FGF14: variants seen among roughly 807,000 people sequenced by gnomAD.
FGF14 encodes fibroblast growth factor homologous factor 4.
FGF14 carries 5 observed loss-of-function variants against 25.5 expected under a neutral mutation model. That is an observed-to-expected ratio of 0.20 (90% CI 0.10 to 0.41). The LOEUF (loss-of-function observed/expected upper bound fraction) is 0.41, where lower values mean the gene tolerates loss of function less well. FGF14 is among the 10% of genes least tolerant of loss of function. The pLI, the probability that FGF14 is intolerant of heterozygous loss-of-function variation, is 1.00. For synonymous variants in FGF14, 138 were observed against 118.3 expected, an observed-to-expected ratio of 1.17 and a Z score of -1.08; for missense variants, 222 against 320.1, an observed-to-expected ratio of 0.69 and a Z score of 2.34.
chr13:102,202,084 C>T (rs867113758), intron 1 of FGF14, among the ~76,000 whole-genome samples: 1 of 152,204 alleles, frequency 6.6e-6, no homozygotes, highest in African/African-American at 2.4e-5. Context: ...ATGTGAAGTG[C>T]TGCCTCCCCC....
intron 1 of FGF14, among the ~76,000 whole-genome samples, chr13:102,202,106 C>G (rs183161018): frequency 1.3e-5 from 2 of 152,116 alleles, no homozygotes; most frequent in African/African-American, 2.4e-5. Context: ...TCGCCTTCAC[C>G]GCGACTGTAA....
chr13:102,346,160 A>G (rs1023819053), intron 1 of FGF14, among the ~76,000 whole-genome samples: 1 of 152,198 alleles, frequency 6.6e-6, no homozygotes, highest in Non-Finnish European at 1.5e-5. Context: ...AAATTTAACA[A>G]GCACAAAAAT....
At chr13:102,117,555 A>G (rs957152581) in intron 1 of FGF14, among the ~76,000 whole-genome samples, 2 of 104,734 alleles carry the variant, frequency 1.9e-5, no homozygotes, top group Non-Finnish European at 3.6e-5. Flanking sequence ...ACAAAATACT[A>G]TAAGGCACAA....
chr13:102,261,699 C>T (rs2141119123), intron 1 of FGF14, among the ~76,000 whole-genome samples: 1 of 152,178 alleles, frequency 6.6e-6, no homozygotes, highest in African/African-American at 2.4e-5. Flanking sequence ...AAGCACATTC[C>T]TAGAATTCAA....
At chr13:101,781,484 A>G (rs766657602) in intron 3 of FGF14, among the ~76,000 whole-genome samples, 4 of 152,206 alleles carry the variant, frequency 2.6e-5, no homozygotes, top group Admixed American at 6.5e-5. Context: ...TGCATTTTCT[A>G]AAAAAGCAGG....
chr13:102,169,660 T>G (rs1235977400), intron 1 of FGF14, among the ~76,000 whole-genome samples: 3 of 151,870 alleles, frequency 2.0e-5, no homozygotes, highest in African/African-American at 7.3e-5. Context: ...AGAAGTGGGG[T>G]TTTTTTTGTT....
chr13:101,881,367 T>C (rs2045701008), intron 1 of FGF14, among the ~76,000 whole-genome samples: 1 of 152,118 alleles, frequency 6.6e-6, no homozygotes, highest in Non-Finnish European at 1.5e-5. Context: ...AAATGGACAA[T>C]AAAATGGCCA....
intron 1 of FGF14, among the ~76,000 whole-genome samples, chr13:101,912,045 T>C (rs979766202): frequency 9.9e-5 from 15 of 151,846 alleles, no homozygotes; most frequent in Admixed American, 1.3e-4. Context: ...TGGATTATTT[T>C]CTGAGACGGT....
At chr13:102,041,489 G>C (rs1287829092) in intron 1 of FGF14, among the ~76,000 whole-genome samples, 1 of 147,228 alleles carries the variant, frequency 6.8e-6, no homozygotes, top group Non-Finnish European at 1.5e-5. Flanking sequence ...AACAAAAATA[G>C]TATGACCTTC....
At chr13:102,246,216 A>G (rs2051859022) in intron 1 of FGF14, among the ~76,000 whole-genome samples, 1 of 152,126 alleles carries the variant, frequency 6.6e-6, no homozygotes, top group Admixed American at 6.6e-5. Context: ...AAAAAATTTA[A>G]GAATGATCAT....
intron 3 of FGF14, among the ~76,000 whole-genome samples, chr13:101,742,900 C>T (rs1466201570): frequency 6.6e-6 from 1 of 152,186 alleles, no homozygotes; most frequent in East Asian, 1.9e-4. Context: ...TAATTGCTTC[C>T]TCTGCCCCAT....
At chr13:102,015,328 A>G (rs2040283456) in intron 1 of FGF14, among the ~76,000 whole-genome samples, 1 of 152,234 alleles carries the variant, frequency 6.6e-6, no homozygotes, top group Admixed American at 6.5e-5. Context: ...CCAAAGGAAT[A>G]TATATTTTTA....
chr13:102,131,049 G>A (rs967413651), intron 1 of FGF14, among the ~76,000 whole-genome samples: 1 of 152,168 alleles, frequency 6.6e-6, no homozygotes, highest in Non-Finnish European at 1.5e-5. Flanking sequence ...CACCTAAAGA[G>A]TGTGACTCAA....
At chr13:101,994,931 TTACATTA>T (rs2039100853) in intron 1 of FGF14, among the ~76,000 whole-genome samples, 1 of 152,092 alleles carries the variant, frequency 6.6e-6, no homozygotes, top group Admixed American at 6.6e-5. Flanking sequence ...ATAATGCATA[TTACATTA>T]TACATTATAT....
At chr13:101,956,129 T>A (rs1312066723) in intron 1 of FGF14, among the ~76,000 whole-genome samples, 1 of 152,208 alleles carries the variant, frequency 6.6e-6, no homozygotes, top group African/African-American at 2.4e-5. Flanking sequence ...AGGAAGCAAG[T>A]CAATTCTACT....
chr13:102,233,114 G>A (rs115099415), intron 1 of FGF14, among the ~76,000 whole-genome samples: 167 of 151,954 alleles, frequency 1.1e-3, no homozygotes, highest in African/African-American at 3.7e-3. Context: ...ATTCCTCAGC[G>A]TCTAATATGC....
chr13:102,369,904 C>G (rs1377001606), intron 1 of FGF14, among the ~76,000 whole-genome samples: 2 of 152,118 alleles, frequency 1.3e-5, no homozygotes, highest in African/African-American at 4.8e-5. Flanking sequence ...TAATGCTGAG[C>G]GACAAAGCTA....
At chr13:102,039,151 C>T (rs958378038) in intron 1 of FGF14, among the ~76,000 whole-genome samples, 5 of 152,144 alleles carry the variant, frequency 3.3e-5, no homozygotes, top group Admixed American at 2.0e-4. Flanking sequence ...GTCTATCTCT[C>T]GCCCACACAT....
intron 3 of FGF14, among the ~76,000 whole-genome samples, chr13:101,729,002 T>C (rs1225143503): frequency 6.6e-6 from 1 of 152,106 alleles, no homozygotes; most frequent in Non-Finnish European, 1.5e-5. Context: ...GAGAAGAAGA[T>C]GCTTGATGTA....
Sources: allele counts gnomAD v4.1 joint callset (sites outside exome capture counted in the v4.1 genomes callset), GRCh38; gene constraint gnomAD v4.1.1; transcripts MANE v1.5; gene names NCBI Gene and HGNC (gene_info 2026-07-23, HGNC 2026-07-21).